The following ATG10 variants were observed in gnomAD, a reference collection of about 807,000 sequenced individuals.
ATG10 encodes ubiquitin-like-conjugating enzyme ATG10.
A neutral mutation model predicts 32.1 loss-of-function variants in ATG10; 30 were observed. The ratio of observed to expected loss-of-function variants is 0.94; its 90% CI spans 0.70 to 1.27. ATG10 has a LOEUF of 1.27. Among genes scored for constraint, ATG10 ranks in the 50% most tolerant of loss-of-function variants. ATG10 has a pLI of 0.00. For missense variants in ATG10, 233 were observed against 262.3 expected (o/e 0.89, Z 0.77); for synonymous variants, 87 against 91.5 (o/e 0.95, Z 0.28).
intron 5 of ATG10, among the ~76,000 whole-genome samples, chr5:82,240,472 C>T (rs1561374481): frequency 6.6e-6 from 1 of 152,058 alleles, no homozygotes; most frequent in Non-Finnish European, 1.5e-5. Context: ...TAATTGATCT[C>T]ATGGAGGAAG....
At position 82,164,461 on chromosome 5, in the gene ATG10, GA is replaced by G; in HGVS notation, c.280del (p.Ile94LeufsTer25). 6.2e-7 allele frequency: 1 copy of G among 1,613,730 alleles called. No homozygotes were observed. Among genetic ancestry groups the G allele is most frequent in the Non-Finnish European group, 8.5e-7 (1 of 1,179,688 alleles). ...VIETAAASEV[I>X]KYEYHVLYSC... is the part of the protein sequence containing the mutation. ...TTGAAACTGCAGCAGCGTCCGAAGT[GA>G]TTAAATATGAGTATCATGTCTTATA... On this transcript the variant is annotated frameshift_variant, in exon 4 of 8. Coordinates refer to ENST00000282185, the MANE Select transcript of ATG10 (RefSeq NM_031482.5). LOFTEE classifies it high-confidence loss of function.
At chr5:82,118,365 A>G (rs324909) in intron 3 of ATG10, among the ~76,000 whole-genome samples, 16,024 of 106,216 alleles carry the variant, frequency 0.15, 1,236 homozygotes, top group Middle Eastern at 0.23. Flanking sequence ...ATATATATAC[A>G]AATATACATA....
chr5:82,245,627 A>T (rs897029180), intron 5 of ATG10, among the ~76,000 whole-genome samples: 3 of 152,228 alleles, frequency 2.0e-5, no homozygotes. Context: ...TTAATGTTTG[A>T]TAAATGAGTG....
chr5:82,076,044 A>C (rs1764263169), intron 3 of ATG10, among the ~76,000 whole-genome samples: 1 of 152,214 alleles, frequency 6.6e-6, no homozygotes. Flanking sequence ...TAGTTTGTAA[A>C]GTTAGTATTT....
chr5:82,098,155 A>T (rs1190679520), intron 3 of ATG10, among the ~76,000 whole-genome samples: 2 of 152,186 alleles, frequency 1.3e-5, no homozygotes, highest in African/African-American at 4.8e-5. Context: ...ATTTAGATTA[A>T]TTAATCAATT....
rs372654985 is a variant in ATG10, at chr5:82,009,491, G to A, written c.108+21813G>A. ...CATGGAACCCAAAGGGAACTGCAGC[G>A]AGAGCACAAAGATTCTAGGATACTG... is the stretch of plus-strand genomic sequence containing the variant. On this transcript the variant is annotated intron_variant, in intron 2 of 7. Transcript: ENST00000282185. The A allele has an allele frequency of 4.5e-6, 4 of 886,148 alleles. No homozygotes were observed. In the South Asian group the frequency reaches 6.2e-5, roughly 14 times the overall value. 54.9% of individuals were successfully genotyped at this position (886,148 alleles called of 1,614,324 possible). A position where few individuals can be genotyped will look rare whatever the true frequency, so the allele number is the denominator to read the frequency against.
intron 2 of ATG10, among the ~76,000 whole-genome samples, chr5:81,998,374 A>T (rs1315280020): frequency 6.6e-6 from 1 of 152,232 alleles, no homozygotes; most frequent in African/African-American, 2.4e-5. Context: ...GCATTACAAG[A>T]GGTGCTGAGG....
rs570092613 is a variant in ATG10, at chr5:82,118,955, T to A, written c.217-45444T>A. ...AAGGAGGGCAATGTCTTGGGATAGA[T>A]TATTTTGGAAATTTGAATTCCTGAA... On this transcript the variant is annotated intron_variant, in intron 3 of 7. Transcript: ENST00000282185. Among the ~76,000 whole-genome samples the A allele has an allele frequency of 2.6e-5, 4 of 152,282 alleles. No individual in the cohort carries two copies. In the South Asian group the frequency reaches 8.3e-4, roughly 32 times the overall value.
At chr5:82,010,225 AG>A (rs1297189175) in intron 2 of ATG10, 3 of 764,944 alleles carry the variant, frequency 3.9e-6, no homozygotes, top group Non-Finnish European at 6.4e-6. Flanking sequence ...GTAAAAATGG[AG>A]GGGAAAAATA....
chr5:82,055,631 G>T lies in ATG10; in HGVS notation c.109-2864G>T, dbSNP rs181657782. On this transcript the variant is annotated intron_variant, in intron 2 of 7. Coordinates refer to ENST00000282185, the MANE Select transcript of ATG10 (RefSeq NM_031482.5). ...TATTTAGTACACACAGTGCAGCTCC[G>T]TGTTCTCTGAATATCCTGAGAGTTT... 2.4e-3 allele frequency among the ~76,000 whole-genome samples: 367 copies of T among 152,190 alleles called. 1 individual carries two copies. The highest frequency in any genetic ancestry group is 8.7e-3 in the African/African-American group (360 of 41,536).
chr5:82,057,732 A>G (rs1763648661), intron 2 of ATG10, among the ~76,000 whole-genome samples: 1 of 152,174 alleles, frequency 6.6e-6, no homozygotes, highest in Non-Finnish European at 1.5e-5. Context: ...CCACAATTAG[A>G]TGAACATCAT....
intron 2 of ATG10, among the ~76,000 whole-genome samples, chr5:82,054,399 C>T (rs1324102623): frequency 1.3e-5 from 2 of 152,148 alleles, no homozygotes; most frequent in Non-Finnish European, 2.9e-5. Flanking sequence ...TCTTAATGAG[C>T]TCGCAGCTTA....
chr5:82,181,510 A>G (rs1424937424), intron 5 of ATG10, among the ~76,000 whole-genome samples: 2 of 152,096 alleles, frequency 1.3e-5, no homozygotes, highest in South Asian at 4.1e-4. Flanking sequence ...TTTTAGTACC[A>G]CATACAAAAG....
intron 5 of ATG10, among the ~76,000 whole-genome samples, chr5:82,227,564 G>A (rs1168589585): frequency 7.2e-5 from 11 of 151,842 alleles, no homozygotes; most frequent in Non-Finnish European, 1.3e-4. Flanking sequence ...TAGTAGAGAC[G>A]GGGTTTCACC....
intron 3 of ATG10, among the ~76,000 whole-genome samples, chr5:82,077,566 A>G (rs557952660): frequency 8.0e-4 from 120 of 150,792 alleles, no homozygotes; most frequent in African/African-American, 2.6e-3. Context: ...AGCTCAGATT[A>G]AAAAATTTTT....
intron 2 of ATG10, among the ~76,000 whole-genome samples, chr5:81,989,877 A>G (rs1342941417): frequency 2.0e-5 from 3 of 152,144 alleles, no homozygotes; most frequent in Non-Finnish European, 4.4e-5. Flanking sequence ...AGCGTGAGCC[A>G]CTGTGCCAAG....
At chr5:82,243,562 A>G (rs1746888843) in intron 5 of ATG10, among the ~76,000 whole-genome samples, 1 of 152,160 alleles carries the variant, frequency 6.6e-6, no homozygotes, top group South Asian at 2.1e-4. Context: ...CAGAAAGCAT[A>G]TTAGTGATAA....
intron 2 of ATG10, among the ~76,000 whole-genome samples, chr5:82,055,526 C>G (rs1172600584): frequency 6.6e-6 from 1 of 151,986 alleles, no homozygotes; most frequent in Non-Finnish European, 1.5e-5. Context: ...ATTTTATGTT[C>G]CCTTAAGAGG....
chr5:82,194,865 G>A (rs1318169047), intron 5 of ATG10, among the ~76,000 whole-genome samples: 1 of 152,156 alleles, frequency 6.6e-6, no homozygotes, highest in Non-Finnish European at 1.5e-5. Context: ...AGTTAACTTG[G>A]AAACTAAGGA....
Sources: gnomAD v4.1 joint callset for allele counts (sites outside exome capture counted in the v4.1 genomes callset) on GRCh38, gnomAD v4.1.1 for gene constraint, MANE v1.5 for transcripts, NCBI Gene and HGNC (gene_info 2026-07-23, HGNC 2026-07-21) for gene names.